The following BTBD8 variants were observed in gnomAD, a reference collection of about 807,000 sequenced individuals.
BTBD8 encodes BTB/POZ domain-containing protein 8.
Under a neutral mutation model 162.9 loss-of-function variants are expected in BTBD8, and 110 were observed. The ratio of observed to expected loss-of-function variants is 0.68; its 90% CI spans 0.58 to 0.79. BTBD8 has a LOEUF of 0.79. Among genes scored for constraint, BTBD8 ranks in the 30% least tolerant of loss-of-function variants. The probability of loss-of-function intolerance (pLI) is 0.00; values close to 1 mark genes in which losing one functional copy is unlikely to be tolerated. For missense variants in BTBD8, 1,905 were observed against 2,085.4 expected (o/e 0.91, Z 1.68); for synonymous variants, 667 against 716.1 (o/e 0.93, Z 1.10).
chr1:92,148,280 G>A lies in BTBD8; in HGVS notation c.1122+494G>A, dbSNP rs565669311. ...CTCCCTTGCTCATAATGTTTCTGCC[G>A]AAACCACCATCCATGAACTTACAGA... On this transcript the variant is annotated intron_variant, in intron 9 of 17. Transcript: ENST00000636805. 3.9e-5 allele frequency among the ~76,000 whole-genome samples: 6 copies of A among 152,196 alleles called. No individual in the cohort carries two copies. The South Asian group carries it at 6.2e-4, about 16-fold the overall frequency.
chr1:92,101,539 A>G (rs535740174), intron 2 of BTBD8, among the ~76,000 whole-genome samples: 1 of 152,314 alleles, frequency 6.6e-6, no homozygotes, highest in South Asian at 2.1e-4. Flanking sequence ...CAGTCCCCCA[A>G]GGGGAAACAG....
chr1:92,122,265 A>T (rs556866820), intron 4 of BTBD8, among the ~76,000 whole-genome samples: 202 of 146,838 alleles, frequency 1.4e-3, no homozygotes, highest in Middle Eastern at 7.0e-3. Flanking sequence ...TATTATTATT[A>T]TTTTTTTTTT....
intron 7 of BTBD8, among the ~76,000 whole-genome samples, chr1:92,142,761 A>G (rs1280251360): frequency 6.6e-6 from 1 of 152,240 alleles, no homozygotes; most frequent in Non-Finnish European, 1.5e-5. Context: ...TCTTATCTAC[A>G]GAGAGGCCAG....
intron 7 of BTBD8, among the ~76,000 whole-genome samples, chr1:92,145,021 G>A (rs755990927): frequency 1.6e-4 from 24 of 152,030 alleles, no homozygotes; most frequent in Admixed American, 6.6e-4. Context: ...GTCAAGTGGC[G>A]GGATCTCAGC....
chr1:92,163,448 A>G (rs1291208821), intron 9 of BTBD8, among the ~76,000 whole-genome samples: 1 of 150,736 alleles, frequency 6.6e-6, no homozygotes, highest in Admixed American at 6.6e-5. Flanking sequence ...AATTACATAT[A>G]TGTTTTGTTT....
intron 16 of BTBD8, among the ~76,000 whole-genome samples, chr1:92,179,993 G>C (rs927615201): frequency 6.6e-6 from 1 of 151,978 alleles, no homozygotes; most frequent in African/African-American, 2.4e-5. Context: ...TAAAAATCAA[G>C]TCTGTTTACT....
At chr1:92,153,585 T>C (rs1245174261) in intron 9 of BTBD8, among the ~76,000 whole-genome samples, 1 of 152,204 alleles carries the variant, frequency 6.6e-6, no homozygotes, top group Non-Finnish European at 1.5e-5. Context: ...TGAGTTTGAC[T>C]TGTAATGGAA....
intron 9 of BTBD8, among the ~76,000 whole-genome samples, chr1:92,164,613 C>T (rs190689096): frequency 8.7e-5 from 13 of 149,476 alleles, no homozygotes; most frequent in Admixed American, 2.6e-4. Flanking sequence ...AGCGAGACCC[C>T]GTTACGGCGA....
chr1:92,095,797 C>T (rs1443519900), intron 2 of BTBD8, among the ~76,000 whole-genome samples: 2 of 152,180 alleles, frequency 1.3e-5, no homozygotes, highest in African/African-American at 4.8e-5. Flanking sequence ...ACCTCAACTA[C>T]TCACTGCCAT....
At chr1:92,161,560 ATAGT>A (rs1650273791) in intron 9 of BTBD8, among the ~76,000 whole-genome samples, 1 of 152,232 alleles carries the variant, frequency 6.6e-6, no homozygotes, top group Non-Finnish European at 1.5e-5. Flanking sequence ...GAAACATAGG[ATAGT>A]ATTAGATAGT....
In BTBD8 at chr1:92,133,736, T is replaced by C. The variant is rs375590139; in HGVS notation, c.752+3960T>C. On this transcript the variant is annotated intron_variant, in intron 5 of 17. Transcript: ENST00000636805. ...CTGTAATCCCAGCACTTTGGGAGGC[T>C]GAGGCGGGCGGATCACAAGGTCAGG... 2.6e-5 allele frequency among the ~76,000 whole-genome samples: 4 copies of C among 152,244 alleles called. No individual in the cohort carries two copies. In the East Asian group the frequency reaches 5.8e-4, roughly 22 times the overall value.
chr1:92,167,166 A>AT, intron 10 of BTBD8, 26 bp downstream of exon 10: 1 of 1,546,636 alleles, frequency 6.5e-7, no homozygotes, highest in Non-Finnish European at 8.7e-7. Context: ...TATATCCTAT[A>AT]TTTAGTTCCA....
rs764932155 is a variant in BTBD8, at chr1:92,147,207, C to G, written c.958C>G (p.Leu320Val). 6.2e-7 allele frequency: 1 copy of G among 1,612,030 alleles called. No individual in the cohort carries two copies. The highest frequency in any genetic ancestry group is 1.1e-5 in the South Asian group (1 of 90,724). ...KPVPRTLTSI[L>V]ECLIIAHSVG... The stretch of plus-strand genomic sequence containing the variant: ...TGTTCCCAGAACATTGACGTCTATA[C>G]TAGAATGCCTGATTATTGCTCATTC... Residue 320 changes from leucine (L) to valine (V), a missense_variant, in exon 8 of 18, where the codon CTA (leucine) becomes GTA (valine). By Grantham distance (32) the Leu-to-Val change is conservative. Coordinates refer to ENST00000636805, the MANE Select transcript of BTBD8 (RefSeq NM_001376131.1).
intron 1 of BTBD8, among the ~76,000 whole-genome samples, chr1:92,082,397 T>A (rs991124235): frequency 6.6e-6 from 1 of 152,140 alleles, no homozygotes; most frequent in Non-Finnish European, 1.5e-5. Flanking sequence ...TAATAAAACA[T>A]TGCTTTGTTG....
intron 4 of BTBD8, among the ~76,000 whole-genome samples, chr1:92,123,776 C>CAAAAAAAAA (rs529220915): frequency 1.2e-5 from 1 of 84,488 alleles, no homozygotes; most frequent in Non-Finnish European, 2.2e-5. Flanking sequence ...GACTCCGTCT[C>CAAAAAAAAA]AAAAAAAAAA....
At chr1:92,180,226 G>T in intron 16 of BTBD8, 39 bp from the exon 17 acceptor site, 1 of 1,374,804 alleles carries the variant, frequency 7.3e-7, no homozygotes, top group Non-Finnish European at 9.7e-7. Context: ...AATTGGAGGT[G>T]ATATTACATT....
rs1054384410 is a variant in BTBD8, at chr1:92,178,416, C to T, written c.2546C>T (p.Thr849Ile). ...GGATGTACTGCAGCTCAGCAGAGGACAAAGAGTACCCCATCTAATCTTACT... is the reference window on the plus strand; with the variant it reads ...GGATGTACTGCAGCTCAGCAGAGGATAAAGAGTACCCCATCTAATCTTACT... Reference protein sequence around the residue: ...SNGCTAAQQRTKSTPSNLTKT... With the variant: ...SNGCTAAQQRIKSTPSNLTKT... Residue 849 changes from threonine to isoleucine, a missense_variant, in exon 16 of 18, where the codon ACA (threonine) becomes ATA (isoleucine). Physicochemically the swap from Thr to Ile is moderately conservative, Grantham distance 89. Around this residue, in one of 3 missense-constraint regions of BTBD8, gnomAD observed 1,374 missense variants for 1,442.7 expected, o/e 0.95. Transcript: ENST00000636805. 1.9e-6 allele frequency: 3 copies of T among 1,550,914 alleles called. No homozygotes were observed. The African/African-American group carries it at 4.1e-5, about 21-fold the overall frequency.
chr1:92,085,725 G>A (rs916177040), intron 1 of BTBD8, among the ~76,000 whole-genome samples: 12 of 152,008 alleles, frequency 7.9e-5, no homozygotes, highest in Non-Finnish European at 1.0e-4. Flanking sequence ...GTGAGACTCC[G>A]TCTAAATAAT....
intron 5 of BTBD8, among the ~76,000 whole-genome samples, chr1:92,134,465 G>T (rs1052019186): frequency 3.3e-5 from 5 of 152,034 alleles, no homozygotes; most frequent in African/African-American, 1.2e-4. Flanking sequence ...CAGGGCCTTT[G>T]TTTTTTTGGC....
Sources: gnomAD v4.1 joint callset for allele counts (sites outside exome capture counted in the v4.1 genomes callset) on GRCh38, gnomAD v4.1.1 for gene constraint, gnomAD v4.1.1 regional missense constraint, MANE v1.5 for transcripts, NCBI Gene and HGNC (gene_info 2026-07-23, HGNC 2026-07-21) for gene names.